Variants in GLG1 observed in about 807,000 individuals in gnomAD.
The protein encoded by GLG1 is golgi glycoprotein 1.
Under a neutral mutation model 160.5 loss-of-function variants are expected in GLG1, and 38 were observed. The ratio of observed to expected loss-of-function variants is 0.24; its 90% CI spans 0.18 to 0.31. GLG1 has a LOEUF of 0.31. GLG1 is among the 10% of genes least tolerant of loss of function. GLG1 has a pLI of 1.00. For missense variants in GLG1, 1,373 were observed against 1,505.2 expected, an observed-to-expected ratio of 0.91 and a Z score of 1.45; for synonymous variants, 644 against 543.4, an observed-to-expected ratio of 1.19 and a Z score of -2.57.
chr16:74,572,994 C>T (rs373233128), intron 1 of GLG1, among the ~76,000 whole-genome samples: 1 of 152,144 alleles, frequency 6.6e-6, no homozygotes, highest in South Asian at 2.1e-4. Context: ...TGGGTATACA[C>T]TGCAGAATTA....
chr16:74,467,692 G>A (rs545088257), intron 18 of GLG1, 64 bp downstream of exon 18: 1 of 1,140,854 alleles, frequency 8.8e-7, no homozygotes, highest in East Asian at 2.3e-5. Flanking sequence ...ACTAGCTTTT[G>A]AGAAAACATT....
chr16:74,558,893 T>G (rs925967476), intron 1 of GLG1, among the ~76,000 whole-genome samples: 2 of 152,212 alleles, frequency 1.3e-5, no homozygotes, highest in Non-Finnish European at 2.9e-5. Context: ...TTTTTACTTT[T>G]TATATTTTCT....
chr16:74,576,517 TG>T (rs2019009077), intron 1 of GLG1, among the ~76,000 whole-genome samples: 1 of 152,224 alleles, frequency 6.6e-6, no homozygotes, highest in Admixed American at 6.5e-5. Flanking sequence ...CAATCTCTTG[TG>T]GTCTCTATGG....
At chr16:74,459,414 G>C (rs1332775204) in intron 23 of GLG1, among the ~76,000 whole-genome samples, 1 of 152,124 alleles carries the variant, frequency 6.6e-6, no homozygotes. Flanking sequence ...GGAGGCAGAG[G>C]TTGCAGTGAG....
chr16:74,497,285 G>GT (rs1567482070), intron 4 of GLG1, among the ~76,000 whole-genome samples: 1 of 49,358 alleles, frequency 2.0e-5, no homozygotes, highest in Non-Finnish European at 3.8e-5. Context: ...CAGAAACTCT[G>GT]TAAAAAAAAC....
intron 4 of GLG1, among the ~76,000 whole-genome samples, chr16:74,501,577 G>C (rs116115326): frequency 2.6e-4 from 39 of 152,332 alleles, no homozygotes; most frequent in African/African-American, 8.9e-4. Flanking sequence ...AGGCTAATCA[G>C]CTGCTACCTT....
chr16:74,563,767 T>G (rs1220986896), intron 1 of GLG1, among the ~76,000 whole-genome samples: 1 of 151,846 alleles, frequency 6.6e-6, no homozygotes, highest in African/African-American at 2.4e-5. Context: ...AAAAAGAAAT[T>G]TGTTCCTCAT....
At chr16:74,562,600 C>T (rs1342310462) in intron 1 of GLG1, among the ~76,000 whole-genome samples, 2 of 152,214 alleles carry the variant, frequency 1.3e-5, no homozygotes, top group East Asian at 1.9e-4. Flanking sequence ...GCTGGGATTA[C>T]AGGCATGCGC....
At chr16:74,476,441 A>G (rs139764685) in intron 12 of GLG1, among the ~76,000 whole-genome samples, 58 of 152,316 alleles carry the variant, frequency 3.8e-4, no homozygotes, top group African/African-American at 1.4e-3. Flanking sequence ...AACAGACCTG[A>G]GTAGGCAACC....
intron 8 of GLG1, 35 bp downstream of exon 8, chr16:74,490,966 T>C: frequency 6.9e-7 from 1 of 1,446,304 alleles, no homozygotes; most frequent in Non-Finnish European, 9.7e-7. Context: ...CTGATAAATG[T>C]GACATTCAAA....
chr16:74,503,437 T>A (rs2016484501), intron 4 of GLG1, 94 bp downstream of exon 4: 2 of 821,462 alleles, frequency 2.4e-6, no homozygotes, highest in Non-Finnish European at 4.2e-6. Flanking sequence ...TTAAGGTCAC[T>A]CCAGTCCTAA....
chr16:74,497,563 G>A (rs2016243169), intron 4 of GLG1, among the ~76,000 whole-genome samples: 1 of 149,170 alleles, frequency 6.7e-6, no homozygotes, highest in African/African-American at 2.5e-5. Flanking sequence ...TCAGTCTCCT[G>A]AGTAGCTGGG....
chr16:74,524,283 T>G (rs2017267252), intron 2 of GLG1, among the ~76,000 whole-genome samples: 1 of 152,220 alleles, frequency 6.6e-6, no homozygotes, highest in South Asian at 2.1e-4. Flanking sequence ...TTCTTTTTTC[T>G]TGCCTTACTG....
chr16:74,565,693 G>A (rs1224222709), intron 1 of GLG1, among the ~76,000 whole-genome samples: 1 of 152,178 alleles, frequency 6.6e-6, no homozygotes, highest in Non-Finnish European at 1.5e-5. Flanking sequence ...CAGCACCAGA[G>A]TAGTTCTCAA....
chr16:74,524,985 T>C (rs1056855461), intron 2 of GLG1, among the ~76,000 whole-genome samples: 10 of 152,252 alleles, frequency 6.6e-5, no homozygotes, highest in Non-Finnish European at 1.2e-4. Flanking sequence ...TATTAGTACT[T>C]CATTTTTTTG....
chr16:74,524,208 CAAAACAAAAAAAAAG>C (rs903872469), intron 2 of GLG1, among the ~76,000 whole-genome samples: 2 of 150,846 alleles, frequency 1.3e-5, no homozygotes, highest in African/African-American at 4.9e-5. Context: ...CACTTCATCT[CAAAACAAAAAAAAAG>C]AATAAAAAAA....
chr16:74,504,517 A>C, intron 3 of GLG1, among the ~76,000 whole-genome samples: 1 of 151,984 alleles, frequency 6.6e-6, no homozygotes, highest in Admixed American at 6.6e-5. Flanking sequence ...CGAACTCCTG[A>C]CCCCACGTGA....
intron 1 of GLG1, among the ~76,000 whole-genome samples, chr16:74,599,787 C>T (rs1958395834): frequency 6.6e-6 from 1 of 151,806 alleles, no homozygotes; most frequent in Admixed American, 6.6e-5. Flanking sequence ...TGGCGTGAAC[C>T]CGGGAGGTAG....
rs60956360 is a variant in GLG1 at position 74,481,025 on chromosome 16, G to C, written c.1674-631C>G. 3.3e-3 allele frequency among the ~76,000 whole-genome samples: 497 copies of C among 152,270 alleles called. 1 individual carries two copies. The highest frequency in any genetic ancestry group is 0.011 in the African/African-American group (473 of 41,546). On this transcript the variant is annotated intron_variant, in intron 10 of 25. Coordinates refer to ENST00000422840, the MANE Select transcript of GLG1 (RefSeq NM_001145667.2). ...TTAATAGACAGCACTCACATGCCCT[G>C]GGTGAAAACAGAAAACTAGAGTTAT...
Sources: allele counts gnomAD v4.1 joint callset (sites outside exome capture counted in the v4.1 genomes callset), GRCh38; gene constraint gnomAD v4.1.1; transcripts MANE v1.5; gene names NCBI Gene and HGNC (gene_info 2026-07-23, HGNC 2026-07-21).